DAAM2: variants seen among roughly 807,000 people sequenced by gnomAD.
The protein encoded by DAAM2 is disheveled-associated activator of morphogenesis 2.
In DAAM2, 39 loss-of-function variants were observed where a neutral mutation model predicts 120.7. That is an observed-to-expected ratio of 0.32 (90% CI 0.25 to 0.42). DAAM2 has a LOEUF of 0.42. DAAM2 is among the 10% of genes least tolerant of loss of function. The probability of loss-of-function intolerance (pLI) is 1.00; values close to 1 mark genes in which losing one functional copy is unlikely to be tolerated. For missense variants in DAAM2, 1,283 were observed against 1,401.7 expected, an observed-to-expected ratio of 0.92 and a Z score of 1.35; for synonymous variants, 488 against 524.9, an observed-to-expected ratio of 0.93 and a Z score of 0.96.
chr6:39,851,616 G>A (rs542349393), intron 1 of DAAM2, among the ~76,000 whole-genome samples: 2 of 152,318 alleles, frequency 1.3e-5, no homozygotes, highest in South Asian at 4.1e-4. Context: ...TTGAGGGTAA[G>A]GGCTAGGATT....
At chr6:39,818,058 A>G (rs1762360016) in intron 1 of DAAM2, among the ~76,000 whole-genome samples, 1 of 151,956 alleles carries the variant, frequency 6.6e-6, no homozygotes, top group Admixed American at 6.6e-5. Context: ...ACACGCCTGT[A>G]GTCCTAGCTA....
chr6:39,856,609 C>T (rs1764016192), intron 2 of DAAM2, 139 bp downstream of exon 2: 1 of 592,016 alleles, frequency 1.7e-6, no homozygotes, highest in Middle Eastern at 4.4e-4. Flanking sequence ...GCCCCCAGGA[C>T]ACCTCAGCTA....
intron 1 of DAAM2, among the ~76,000 whole-genome samples, chr6:39,810,744 C>G (rs1388740776): frequency 6.6e-6 from 1 of 152,230 alleles, no homozygotes; most frequent in Non-Finnish European, 1.5e-5. Context: ...AAACCACATT[C>G]TTTCCCAGAT....
intron 1 of DAAM2, among the ~76,000 whole-genome samples, chr6:39,834,751 G>C (rs919692701): frequency 1.3e-5 from 2 of 152,160 alleles, no homozygotes; most frequent in African/African-American, 4.8e-5. Context: ...CACACCACAT[G>C]CATTTGGATT....
intron 6 of DAAM2, 168 bp downstream of exon 6, chr6:39,868,011 A>C: frequency 1.6e-6 from 1 of 641,514 alleles, no homozygotes; most frequent in Non-Finnish European, 2.7e-6. Flanking sequence ...GGGACCTGGA[A>C]GGCTTGCATA....
intron 1 of DAAM2, among the ~76,000 whole-genome samples, chr6:39,831,779 GA>G (rs371433878): frequency 2.3e-5 from 2 of 87,040 alleles, no homozygotes; most frequent in Admixed American, 2.2e-4. Context: ...CAGGTGTACT[GA>G]GGGGGCAGGT....
At chr6:39,801,826 C>A (rs1390220941) in intron 1 of DAAM2, among the ~76,000 whole-genome samples, 5 of 152,180 alleles carry the variant, frequency 3.3e-5, no homozygotes, top group African/African-American at 9.7e-5. Flanking sequence ...GTTAACACTC[C>A]CTTCCTTGTT....
intron 1 of DAAM2, among the ~76,000 whole-genome samples, chr6:39,847,902 G>A (rs1763658653): frequency 6.6e-6 from 1 of 152,152 alleles, no homozygotes; most frequent in Non-Finnish European, 1.5e-5. Flanking sequence ...ACTCTCCAAT[G>A]GCTTCTTCCT....
chr6:39,870,421 C>T lies in DAAM2; in HGVS notation c.955C>T (p.His319Tyr). The T allele has an allele frequency of 1.3e-6, 2 of 1,580,070 alleles. No individual in the cohort carries two copies. The highest frequency in any genetic ancestry group is 2.3e-5 in the East Asian group (1 of 43,600). Residue 319 changes from histidine to tyrosine, a missense_variant, in exon 8 of 25, where the codon CAT becomes TAT. This residue lies in a region of DAAM2 where 338 missense variants were observed against 443.9 expected (regional missense o/e 0.76). Coordinates refer to ENST00000274867, the MANE Select transcript of DAAM2 (RefSeq NM_001201427.2). ...GCCTGTGATTGACAAGCTCCGGCAA[C>T]ATGAAAATGCCATCCTGGACAAGTA... ...IQPVIDKLRQ[H>Y]ENAILDKHLD...
At chr6:39,845,539 C>T (rs1047668564) in intron 1 of DAAM2, among the ~76,000 whole-genome samples, 8 of 150,278 alleles carry the variant, frequency 5.3e-5, no homozygotes, top group African/African-American at 2.0e-4. Flanking sequence ...CCTACACATA[C>T]ATAAACATAC....
intron 14 of DAAM2, chr6:39,882,463 T>C (rs1411158454): frequency 6.6e-6 from 1 of 152,010 alleles, no homozygotes; most frequent in Non-Finnish European, 1.5e-5. Flanking sequence ...TCACCAAGAA[T>C]AGAGAAGGAT....
chr6:39,864,955 C>T (rs1485342908), intron 4 of DAAM2, 25 bp from the exon 5 acceptor site: 1 of 1,581,670 alleles, frequency 6.3e-7, no homozygotes, highest in African/African-American at 1.3e-5. Flanking sequence ...AGACAGGCAG[C>T]CCCTTTCTAC....
At chr6:39,841,400 C>T (rs1221757467) in intron 1 of DAAM2, among the ~76,000 whole-genome samples, 1 of 94,030 alleles carries the variant, frequency 1.1e-5, no homozygotes, top group South Asian at 3.6e-4. Flanking sequence ...GAGGGAACTC[C>T]TTGGGGAAAG....
intron 21 of DAAM2, chr6:39,897,495 C>A: frequency 2.2e-6 from 1 of 447,962 alleles, no homozygotes; most frequent in East Asian, 4.3e-5. Flanking sequence ...GAGTTAGGTG[C>A]AGAATAGACA....
At chr6:39,874,194 A>G (rs910561945) in intron 10 of DAAM2, among the ~76,000 whole-genome samples, 4 of 152,218 alleles carry the variant, frequency 2.6e-5, no homozygotes, top group African/African-American at 9.6e-5. Context: ...AGTGAACCTG[A>G]GGCTCAGCGA....
chr6:39,812,646 G>GTGGGGTCAGCAGGTAGCTTT (rs1762197181), intron 1 of DAAM2, among the ~76,000 whole-genome samples: 1 of 151,438 alleles, frequency 6.6e-6, no homozygotes, highest in African/African-American at 2.4e-5. Context: ...ACCTCTGACT[G>GTGGGGTCAGCAGGTAGCTTT]TGGAGTCAGC....
intron 2 of DAAM2, 124 bp downstream of exon 2, chr6:39,856,594 G>T: frequency 1.4e-6 from 1 of 724,262 alleles, no homozygotes. Context: ...CTTGGGAGGA[G>T]ATAGGCCCCC....
intron 17 of DAAM2, among the ~76,000 whole-genome samples, chr6:39,890,920 C>T (rs1260996694): frequency 1.3e-5 from 2 of 151,838 alleles, no homozygotes; most frequent in African/African-American, 4.8e-5. Context: ...GAGGTCCAGT[C>T]TTACAAAATA....
chr6:39,893,355 A>G (rs1360392336), intron 19 of DAAM2, among the ~76,000 whole-genome samples: 1 of 152,112 alleles, frequency 6.6e-6, no homozygotes, highest in African/African-American at 2.4e-5. Flanking sequence ...TGTCTACTAA[A>G]AAATACAAAA....
Sources: gnomAD v4.1 joint callset for allele counts (sites outside exome capture counted in the v4.1 genomes callset) on GRCh38, gnomAD v4.1.1 for gene constraint, gnomAD v4.1.1 regional missense constraint, MANE v1.5 for transcripts, NCBI Gene and HGNC (gene_info 2026-07-23, HGNC 2026-07-21) for gene names.